Variants in TSHZ2 observed in about 807,000 individuals in gnomAD.
The protein encoded by TSHZ2 is teashirt homolog 2.
TSHZ2 carries 21 observed loss-of-function variants against 74.4 expected under a neutral mutation model. The ratio of observed to expected loss-of-function variants is 0.28; its 90% confidence interval spans 0.20 to 0.41. The LOEUF is 0.41. Among genes scored for constraint, TSHZ2 ranks in the 10% least tolerant of loss-of-function variants. The probability of loss-of-function intolerance (pLI) is 1.00; values close to 1 mark genes in which losing one functional copy is unlikely to be tolerated. For missense variants in TSHZ2, 1,244 were observed against 1,293.5 expected (o/e 0.96, Z 0.59); for synonymous variants, 540 against 515.3 (o/e 1.05, Z -0.65).
intron 2 of TSHZ2, among the ~76,000 whole-genome samples, chr20:53,372,348 G>A (rs371598909): frequency 2.6e-5 from 4 of 152,120 alleles, no homozygotes; most frequent in South Asian, 2.1e-4. Flanking sequence ...GTAGTGTCAC[G>A]CACCTGTAGT....
chr20:53,479,798 G>A (rs2145852763), intron 2 of TSHZ2, among the ~76,000 whole-genome samples: 1 of 152,332 alleles, frequency 6.6e-6, no homozygotes, highest in African/African-American at 2.4e-5. Context: ...AGCAGATGCT[G>A]CTGGCATCTA....
chr20:53,087,997 T>C (rs1194504471), intron 1 of TSHZ2, among the ~76,000 whole-genome samples: 1 of 152,246 alleles, frequency 6.6e-6, no homozygotes, highest in Non-Finnish European at 1.5e-5. Context: ...TAAAATTGAC[T>C]TAAGCTTTGC....
intron 2 of TSHZ2, among the ~76,000 whole-genome samples, chr20:53,449,983 C>T (rs1984709813): frequency 6.6e-6 from 1 of 152,240 alleles, no homozygotes; most frequent in Admixed American, 6.5e-5. Context: ...AATACACTTA[C>T]TGGGTGGGAC....
At chr20:53,473,442 G>A (rs1219055277) in intron 2 of TSHZ2, among the ~76,000 whole-genome samples, 1 of 140,130 alleles carries the variant, frequency 7.1e-6, no homozygotes. Flanking sequence ...CTGTGGCTGA[G>A]GGTCCTGTCT....
chr20:53,333,146 G>A (rs548589161), intron 2 of TSHZ2, among the ~76,000 whole-genome samples: 1 of 152,298 alleles, frequency 6.6e-6, no homozygotes, highest in African/African-American at 2.4e-5. Flanking sequence ...ATCTAGAAAA[G>A]AGACACCTAT....
At chr20:53,125,124 G>A (rs1986911994) in intron 1 of TSHZ2, among the ~76,000 whole-genome samples, 1 of 152,216 alleles carries the variant, frequency 6.6e-6, no homozygotes, top group African/African-American at 2.4e-5. Flanking sequence ...AAATGAGGAT[G>A]ATAATAATCA....
At chr20:53,209,836 C>T (rs966553611) in intron 1 of TSHZ2, among the ~76,000 whole-genome samples, 1 of 152,148 alleles carries the variant, frequency 6.6e-6, no homozygotes, top group African/African-American at 2.4e-5. Flanking sequence ...TGGCTTTGAA[C>T]GCATGGACCC....
chr20:53,188,013 C>A (rs1054714514), intron 1 of TSHZ2, among the ~76,000 whole-genome samples: 6 of 152,148 alleles, frequency 3.9e-5, no homozygotes, highest in Non-Finnish European at 5.9e-5. Context: ...GTCTGGAAGA[C>A]TTTCTGTTCC....
chr20:53,347,317 GC>G (rs1051845175), intron 2 of TSHZ2, among the ~76,000 whole-genome samples: 2 of 152,122 alleles, frequency 1.3e-5, no homozygotes, highest in African/African-American at 4.8e-5. Flanking sequence ...CTCAGATTTT[GC>G]CAGATGTGTC....
chr20:53,479,462 C>A (rs1015292169), intron 2 of TSHZ2, among the ~76,000 whole-genome samples: 2 of 152,012 alleles, frequency 1.3e-5, no homozygotes, highest in African/African-American at 4.8e-5. Context: ...AAACGCAGAG[C>A]AATATGGGTG....
chr20:53,344,577 G>C (rs1305094019), intron 2 of TSHZ2, among the ~76,000 whole-genome samples: 1 of 152,100 alleles, frequency 6.6e-6, no homozygotes, highest in Non-Finnish European at 1.5e-5. Flanking sequence ...AAAGAGAGAA[G>C]AAAAGAAGAG....
At position 53,048,815 on chromosome 20, in the gene TSHZ2, C is replaced by T. The variant is rs1222026683; in HGVS notation, c.40+75482C>T. Among the ~76,000 whole-genome samples the T allele has an allele frequency of 2.0e-5, 3 of 152,226 alleles. No individual in the cohort carries two copies. In the East Asian group the frequency reaches 5.8e-4, roughly 29 times the overall value. On this transcript the variant is annotated intron_variant, in intron 1 of 2. Coordinates refer to ENST00000371497, the MANE Select transcript of TSHZ2 (RefSeq NM_173485.6). ...GGGGTTCTAATAGCTGCTCACTACA[C>T]ACCTCCAGCCACCCACTGGGCTTGC...
chr20:53,255,525 G>T lies in TSHZ2; in HGVS notation c.2067G>T (p.Leu689=). The change falls in exon 2 of 3, where the codon CTG becomes CTT. Residue 689 remains leucine, a synonymous_variant. Coordinates refer to ENST00000371497, the MANE Select transcript of TSHZ2 (RefSeq NM_173485.6). The surrounding 1 kb of genome is among the most constrained non-coding windows in gnomAD (Gnocchi z 4.1). ...GCALANHAPA[L]PCINPLSALQ... ...CCCTCGCCAACCACGCCCCGGCCCT[G>T]CCATGCATCAACCCACTCAGCGCCC... 1 of 1,587,820 alleles carries T rather than the reference G, an allele frequency of 6.3e-7. No homozygotes were observed. The highest frequency in any genetic ancestry group is 8.6e-7 in the Non-Finnish European group (1 of 1,169,182).
intron 2 of TSHZ2, among the ~76,000 whole-genome samples, chr20:53,445,174 C>G (rs990485136): frequency 6.6e-6 from 1 of 152,222 alleles, no homozygotes; most frequent in Non-Finnish European, 1.5e-5. Flanking sequence ...TGGATGCAAA[C>G]TGCTGTGCAG....
At chr20:53,429,990 A>G (rs1337376882) in intron 2 of TSHZ2, among the ~76,000 whole-genome samples, 2 of 152,182 alleles carry the variant, frequency 1.3e-5, no homozygotes, top group African/African-American at 4.8e-5. Flanking sequence ...TGGGACAGCT[A>G]AAATATCTCC....
chr20:53,010,231 C>T (rs947786735), intron 1 of TSHZ2, among the ~76,000 whole-genome samples: 5 of 152,176 alleles, frequency 3.3e-5, no homozygotes, highest in African/African-American at 1.2e-4. Flanking sequence ...TGGTTACACA[C>T]GTCGAAGTTT....
chr20:52,983,214 T>C (rs1981631445), intron 1 of TSHZ2, among the ~76,000 whole-genome samples: 2 of 152,204 alleles, frequency 1.3e-5, no homozygotes, highest in Non-Finnish European at 2.9e-5. Context: ...CCTCACCTCA[T>C]TGCACCTCAG....
At chr20:53,060,315 T>C (rs1291351981) in intron 1 of TSHZ2, among the ~76,000 whole-genome samples, 3 of 152,160 alleles carry the variant, frequency 2.0e-5, no homozygotes, top group African/African-American at 7.2e-5. Context: ...ATGGCAAAGG[T>C]CTATGGCAAA....
intron 2 of TSHZ2, among the ~76,000 whole-genome samples, chr20:53,483,929 T>C (rs2741389): frequency 0.76 from 116,376 of 152,206 alleles, 45,648 homozygotes; most frequent in African/African-American, 0.94. Flanking sequence ...ATTGATATCA[T>C]ATTAATATCA....
Sources: allele counts gnomAD v4.1 joint callset (sites outside exome capture counted in the v4.1 genomes callset), GRCh38; gene constraint gnomAD v4.1.1; non-coding constraint Gnocchi (gnomAD v3.1); transcripts MANE v1.5; gene names NCBI Gene and HGNC (gene_info 2026-07-23, HGNC 2026-07-21).